Variants in NECAP1 observed in about 807,000 individuals in gnomAD.
The protein encoded by NECAP1 is NECAP endocytosis associated 1.
NECAP1 carries 13 observed loss-of-function variants against 33.4 expected under a neutral mutation model. The ratio of observed to expected loss-of-function variants is 0.39; its 90% CI spans 0.25 to 0.62. NECAP1 has a LOEUF of 0.62. Among genes scored for constraint, NECAP1 ranks in the 20% least tolerant of loss-of-function variants. NECAP1 has a pLI of 0.52. For missense variants in NECAP1, 272 were observed against 347.4 expected (o/e 0.78, Z 1.73); for synonymous variants, 109 against 125.2 (o/e 0.87, Z 0.86).
chr12:8,091,753 C>A lies in NECAP1; in HGVS notation c.302-16C>A, dbSNP rs761008417. On this transcript the variant is annotated splice_polypyrimidine_tract_variant and intron_variant, in intron 3 of 7. Transcript: ENST00000339754. Reference sequence around the variant, plus strand: ...AGAGGATACTTCCTAGTCGAGTCTTCCTACGTTTTCCACAGGGCGCAGTGC... The same window carrying A: ...AGAGGATACTTCCTAGTCGAGTCTTACTACGTTTTCCACAGGGCGCAGTGC... 5 of 1,613,296 alleles carry A rather than the reference C, an allele frequency of 3.1e-6. No individual in the cohort carries two copies. In the East Asian group the frequency reaches 8.9e-5, roughly 29 times the overall value.
At chr12:8,095,554 A>G in intron 6 of NECAP1, 47 bp from the exon 7 acceptor site, 1 of 1,521,270 alleles carries the variant, frequency 6.6e-7, no homozygotes, top group Non-Finnish European at 9.0e-7. Flanking sequence ...GGCCCTTCCA[A>G]GATTTTGATT....
chr12:8,090,078 T>C (rs760298202), intron 2 of NECAP1, 42 bp downstream of exon 2: 10 of 1,585,468 alleles, frequency 6.3e-6, no homozygotes, highest in Non-Finnish European at 8.7e-6. Flanking sequence ...GAATATTAAT[T>C]TGGTGTGCTT....
chr12:8,082,774 T>TCTCTCACA (rs1400408491), intron 1 of NECAP1: 399 of 141,666 alleles, frequency 2.8e-3, no homozygotes, highest in Middle Eastern at 0.01. Context: ...TCTCTCTCTC[T>TCTCTCACA]CACACACACA....
intron 3 of NECAP1, chr12:8,090,545 G>A (rs1388734001): frequency 2.3e-6 from 1 of 429,942 alleles, no homozygotes; most frequent in Non-Finnish European, 4.2e-6. Context: ...TCTAACAAAT[G>A]AATTAACACA....
intron 1 of NECAP1, among the ~76,000 whole-genome samples, chr12:8,087,896 T>C (rs187596579): frequency 1.7e-4 from 26 of 152,310 alleles, no homozygotes; most frequent in African/African-American, 5.8e-4. Flanking sequence ...CCTGTGCTAA[T>C]TTTCACTTTC....
chr12:8,094,306 C>G (rs1341380179), intron 6 of NECAP1, among the ~76,000 whole-genome samples: 1 of 152,096 alleles, frequency 6.6e-6, no homozygotes. Context: ...TTACCCTTTT[C>G]CCAGTTTCCC....
At chr12:8,086,383 C>A (rs1389094940) in intron 1 of NECAP1, among the ~76,000 whole-genome samples, 1 of 152,026 alleles carries the variant, frequency 6.6e-6, no homozygotes, top group Non-Finnish European at 1.5e-5. Context: ...GAGGCCGAGG[C>A]GCACGGATCA....
chr12:8,087,550 G>T (rs1947503292), intron 1 of NECAP1, among the ~76,000 whole-genome samples: 1 of 149,148 alleles, frequency 6.7e-6, no homozygotes, highest in Non-Finnish European at 1.5e-5. Flanking sequence ...TAGAGACAGG[G>T]TCTCACCCTG....
chr12:8,091,907 C>T (rs1947548949), intron 4 of NECAP1, 57 bp downstream of exon 4: 3 of 1,388,866 alleles, frequency 2.2e-6, no homozygotes, highest in Non-Finnish European at 3.0e-6. Flanking sequence ...TGCTGCTTCT[C>T]ACATGAATGG....
chr12:8,090,421 C>G, intron 3 of NECAP1, 122 bp downstream of exon 3: 2 of 860,326 alleles, frequency 2.3e-6, no homozygotes, highest in Non-Finnish European at 3.6e-6. Context: ...TTCCCTTTCT[C>G]TAAAGTTGCT....
At chr12:8,091,490 G>T in intron 3 of NECAP1, 1 of 424,358 alleles carries the variant, frequency 2.4e-6, no homozygotes, top group South Asian at 2.7e-5. Flanking sequence ...GATTCTCATA[G>T]GGAGCTCATA....
chr12:8,085,427 A>G (rs1947479067), intron 1 of NECAP1, among the ~76,000 whole-genome samples: 3 of 152,206 alleles, frequency 2.0e-5, no homozygotes, highest in South Asian at 4.1e-4. Flanking sequence ...GAGCCATTAA[A>G]GCAGTTTCTT....
At position 8,091,766 on chromosome 12, in the gene NECAP1, C is replaced by T. The variant is rs1947547093; in HGVS notation, c.302-3C>T. On this transcript the variant is annotated splice_region_variant and splice_polypyrimidine_tract_variant and intron_variant, in intron 3 of 7. Coordinates refer to ENST00000339754, the MANE Select transcript of NECAP1 (RefSeq NM_015509.4). ...TAGTCGAGTCTTCCTACGTTTTCCA[C>T]AGGGCGCAGTGCTTTCATTGGCATT... 6.2e-7 allele frequency: 1 copy of T among 1,613,750 alleles called. No homozygotes were observed. The highest frequency in any genetic ancestry group is 1.3e-5 in the African/African-American group (1 of 74,924).
intron 1 of NECAP1, among the ~76,000 whole-genome samples, chr12:8,086,258 T>A (rs889627300): frequency 6.6e-6 from 1 of 152,200 alleles, no homozygotes; most frequent in African/African-American, 2.4e-5. Flanking sequence ...TGTAAGCTGT[T>A]CGTTCCCAGA....
At position 8,092,978 on chromosome 12, in the gene NECAP1, C is replaced by G. The variant is rs770420122; in HGVS notation, c.599C>G (p.Pro200Arg). 3.1e-6 allele frequency: 5 copies of G among 1,613,042 alleles called. No individual in the cohort carries two copies. The highest frequency in any genetic ancestry group is 1.1e-5 in the South Asian group (1 of 90,942). ...GGAGGCAAAGTCACTATTCCCCCAC[C>G]ATCCTCCTCAGTTGCCATCAGCAAT... is the stretch of plus-strand genomic sequence containing the variant. The part of the protein sequence containing the change: ...PPGGKVTIPP[P>R]SSSVAISNHV... The change falls in exon 6 of 8, where the codon CCA becomes CGA. Residue 200 changes from proline (P) to arginine (R), a missense_variant. By Grantham distance (103) the Pro-to-Arg change is moderately radical. Coordinates refer to ENST00000339754, the MANE Select transcript of NECAP1 (RefSeq NM_015509.4).
chr12:8,086,005 C>T (rs1947487551), intron 1 of NECAP1, among the ~76,000 whole-genome samples: 1 of 151,882 alleles, frequency 6.6e-6, no homozygotes, highest in Non-Finnish European at 1.5e-5. Context: ...GCGCCTGGCC[C>T]TTTCACTTAA....
chr12:8,093,065 G>T lies in NECAP1; in HGVS notation c.676+10G>T. 1 of 1,611,794 alleles carries T rather than the reference G, an allele frequency of 6.2e-7. No homozygotes were observed. Among genetic ancestry groups the T allele is most frequent in the Non-Finnish European group, 8.5e-7 (1 of 1,178,382 alleles). ...GGAGGCAGTGATGCAGGTAAATCTAGTACTTCTAATTTTGAGAAATCCAAT... is the reference window on the plus strand; with the variant it reads ...GGAGGCAGTGATGCAGGTAAATCTATTACTTCTAATTTTGAGAAATCCAAT... On this transcript the variant is annotated intron_variant, in intron 6 of 7. Coordinates refer to ENST00000339754, the MANE Select transcript of NECAP1 (RefSeq NM_015509.4).
At chr12:8,093,199 CA>C (rs1378046311) in intron 6 of NECAP1, 144 bp downstream of exon 6, 17 of 769,474 alleles carry the variant, frequency 2.2e-5, no homozygotes, top group Non-Finnish European at 3.3e-5. Context: ...AGCAAGGAAT[CA>C]AAGCTTTTCT....
At chr12:8,093,104 TAAGC>T (rs1457329100) in intron 6 of NECAP1, 49 bp downstream of exon 6, 1 of 1,547,858 alleles carries the variant, frequency 6.5e-7, no homozygotes, top group South Asian at 1.1e-5. Context: ...ATGTTTTAAT[TAAGC>T]AACACCTGTT....
Sources: allele counts gnomAD v4.1 joint callset (sites outside exome capture counted in the v4.1 genomes callset), GRCh38; gene constraint gnomAD v4.1.1; transcripts MANE v1.5; gene names NCBI Gene and HGNC (gene_info 2026-07-23, HGNC 2026-07-21).